FHAD1: variants seen among roughly 807,000 people sequenced by gnomAD.
FHAD1 encodes the protein forkhead associated phosphopeptide binding domain 1, also known as forkhead-associated domain-containing protein 1.
In FHAD1, 146 loss-of-function variants were observed where a neutral mutation model predicts 191.3. The observed-to-expected ratio is 0.76, with a 90% CI of 0.67 to 0.88. The LOEUF is 0.88. FHAD1 is among the 40% of genes least tolerant of loss of function. The probability of loss-of-function intolerance (pLI) is 0.00; values close to 1 mark genes in which losing one functional copy is unlikely to be tolerated. For synonymous variants in FHAD1, 616 were observed against 672.3 expected, an observed-to-expected ratio of 0.92 and a Z score of 1.29; for missense variants, 1,635 against 1,785.8, an observed-to-expected ratio of 0.92 and a Z score of 1.52.
intron 21 of FHAD1, among the ~76,000 whole-genome samples, chr1:15,359,751 C>T (rs1694069051): frequency 6.6e-6 from 1 of 152,042 alleles, no homozygotes; most frequent in African/African-American, 2.4e-5. Context: ...GAGATCGAGA[C>T]CATCCTGGCT....
chr1:15,249,639 C>G (rs1162614329), intron 1 of FHAD1, among the ~76,000 whole-genome samples: 1 of 152,082 alleles, frequency 6.6e-6, no homozygotes, highest in East Asian at 1.9e-4. Context: ...GTTTTTATTT[C>G]TCTTACTCCC....
intron 28 of FHAD1, among the ~76,000 whole-genome samples, chr1:15,378,899 A>C (rs1700259700): frequency 6.6e-6 from 1 of 152,112 alleles, no homozygotes; most frequent in Non-Finnish European, 1.5e-5. Context: ...CGTGGCCTCC[A>C]GACTCCCCGC....
At chr1:15,272,627 C>A in intron 3 of FHAD1, 98 bp downstream of exon 3, 1 of 1,085,524 alleles carries the variant, frequency 9.2e-7, no homozygotes, top group Non-Finnish European at 1.3e-6. Context: ...ACATTGGTGC[C>A]ACTGTGATCG....
chr1:15,277,830 T>C (rs996428866), intron 3 of FHAD1, among the ~76,000 whole-genome samples: 11 of 152,338 alleles, frequency 7.2e-5, no homozygotes, highest in African/African-American at 2.4e-4. Context: ...AGTTTCTTTT[T>C]TGATGGTGAT....
At chr1:15,239,935 T>C (rs1645167769) in intron 1 of FHAD1, among the ~76,000 whole-genome samples, 2 of 152,212 alleles carry the variant, frequency 1.3e-5, no homozygotes, top group Non-Finnish European at 2.9e-5. Flanking sequence ...CCTAGGTCTA[T>C]ATCTAATAGA....
chr1:15,378,232 C>T (rs1169229412), intron 28 of FHAD1, among the ~76,000 whole-genome samples: 1 of 152,120 alleles, frequency 6.6e-6, no homozygotes, highest in African/African-American at 2.4e-5. Context: ...TTGCAGTGAA[C>T]CAACATCGCA....
chr1:15,271,122 G>C (rs1205734306), intron 2 of FHAD1, among the ~76,000 whole-genome samples: 2 of 139,686 alleles, frequency 1.4e-5, no homozygotes, highest in East Asian at 4.3e-4. Flanking sequence ...CTGGGCAACA[G>C]AGCGAGACTC....
rs780372499 is a variant in FHAD1, at chr1:15,381,339, C to T, written c.3910C>T (p.Leu1304Phe). 2 of 1,551,786 alleles carry T rather than the reference C, an allele frequency of 1.3e-6. No homozygotes were observed. Among genetic ancestry groups the T allele is most frequent in the South Asian group, 2.4e-5 (2 of 84,062 alleles). Residue 1304 changes from leucine to phenylalanine, a missense_variant, in exon 30 of 34, where the codon CTT (leucine) becomes TTT (phenylalanine). Leu to Phe is a conservative substitution (Grantham distance 22). Transcript: ENST00000688493. The surrounding 1 kb of genome is among the most constrained non-coding windows in gnomAD (Gnocchi z 4.6). The stretch of plus-strand genomic sequence containing the variant: ...CCAGGAGAGGGAGAAGGTCAACCAG[C>T]TTCGACAAAGGGACCTCGACCTGGT... The part of the protein sequence containing the change: ...SRQEREKVNQ[L>F]RQRDLDLVFD...
chr1:15,363,144 A>G (rs1308195028), intron 23 of FHAD1, among the ~76,000 whole-genome samples: 1 of 152,156 alleles, frequency 6.6e-6, no homozygotes, highest in Non-Finnish European at 1.5e-5. Context: ...GCATCTGGTG[A>G]GGGCCTTCTT....
intron 33 of FHAD1, among the ~76,000 whole-genome samples, chr1:15,395,677 C>A (rs1705699678): frequency 6.6e-6 from 1 of 152,186 alleles, no homozygotes; most frequent in African/African-American, 2.4e-5. Context: ...GTTAAACAGA[C>A]CCCCTTAAAT....
chr1:15,298,893 T>A lies in FHAD1; in HGVS notation c.678+2100T>A, dbSNP rs12076537. Reference sequence around the variant, plus strand: ...AATTGATTTAAGAAAAAATAGGCTGTGCTCAGTGGCTCGCGCCTGTAATCC... The same window carrying A: ...AATTGATTTAAGAAAAAATAGGCTGAGCTCAGTGGCTCGCGCCTGTAATCC... On this transcript the variant is annotated intron_variant, in intron 5 of 33. Transcript: ENST00000688493. 3.0e-3 allele frequency among the ~76,000 whole-genome samples: 461 copies of A among 151,860 alleles called. 3 individuals are homozygous for A. The highest frequency in any genetic ancestry group is 0.014 in the Middle Eastern group (4 of 294).
chr1:15,353,599 G>A (rs1691615353), intron 20 of FHAD1, among the ~76,000 whole-genome samples: 1 of 150,044 alleles, frequency 6.7e-6, no homozygotes, highest in South Asian at 2.1e-4. Context: ...CAGCTACTCA[G>A]AAGGCTGAGG....
At chr1:15,380,470 G>A (rs1700653868) in intron 28 of FHAD1, among the ~76,000 whole-genome samples, 1 of 152,184 alleles carries the variant, frequency 6.6e-6, no homozygotes, top group Admixed American at 6.5e-5. Context: ...CAAAGAACAA[G>A]ACAAGTGATG....
At chr1:15,243,951 G>T (rs1645695815), upstream of FHAD1, among the ~76,000 whole-genome samples, 1 of 152,128 alleles carries the variant, frequency 6.6e-6, no homozygotes, top group African/African-American at 2.4e-5. Context: ...CCCTGTCTCT[G>T]AGCCTTATTT....
intron 4 of FHAD1, among the ~76,000 whole-genome samples, chr1:15,296,088 G>T (rs999070205): frequency 1.3e-5 from 2 of 152,130 alleles, no homozygotes; most frequent in Non-Finnish European, 2.9e-5. Flanking sequence ...ATCTGCCCAA[G>T]ATCACCAGCT....
intron 18 of FHAD1, among the ~76,000 whole-genome samples, chr1:15,348,322 G>C (rs954704842): frequency 4.6e-5 from 7 of 152,154 alleles, no homozygotes; most frequent in Non-Finnish European, 8.8e-5. Flanking sequence ...AGTGAACCTC[G>C]TGTTTGAAAG....
chr1:15,260,830 G>A (rs1490453159), intron 2 of FHAD1, among the ~76,000 whole-genome samples: 3 of 152,180 alleles, frequency 2.0e-5, no homozygotes, highest in Non-Finnish European at 1.5e-5. Context: ...GATAATCCAG[G>A]TTAACCTCCC....
At chr1:15,266,778 A>G (rs1653716375) in intron 2 of FHAD1, among the ~76,000 whole-genome samples, 1 of 152,188 alleles carries the variant, frequency 6.6e-6, no homozygotes, top group Non-Finnish European at 1.5e-5. Context: ...ACCCCTGGCA[A>G]CCACAAATCT....
rs1454404227 is a variant in FHAD1 at position 15,367,345 on chromosome 1, A to T, written c.3155-118A>T. The T allele has an allele frequency of 5.1e-6, 6 of 1,182,454 alleles. No homozygotes were observed. In the African/African-American group the frequency reaches 9.3e-5, roughly 18 times the overall value. The allele number at this position is 1,182,454 out of a possible 1,614,324, so 73.2% of individuals were successfully genotyped here. A position where few individuals can be genotyped will look rare whatever the true frequency, so the allele number is the denominator to read the frequency against. On this transcript the variant is annotated intron_variant, in intron 24 of 33. Coordinates refer to ENST00000688493, the MANE Select transcript of FHAD1 (RefSeq NM_001391957.1). ...ACCCTGTCTCTACTAAAAATACAAA[A>T]ATTAGCCAGTCGTGGTGGCGCATGC... is the stretch of plus-strand genomic sequence containing the variant.
Sources: gnomAD v4.1 joint callset for allele counts (sites outside exome capture counted in the v4.1 genomes callset) on GRCh38, gnomAD v4.1.1 for gene constraint, Gnocchi (gnomAD v3.1) non-coding constraint, MANE v1.5 for transcripts, NCBI Gene and HGNC (gene_info 2026-07-23, HGNC 2026-07-21) for gene names.